FBXL17: variants seen among roughly 807,000 people sequenced by gnomAD.
FBXL17 encodes F-box and leucine rich repeat protein 17.
FBXL17 carries 22 observed loss-of-function variants against 66.2 expected under a neutral mutation model. The ratio of observed to expected loss-of-function variants is 0.33; its 90% confidence interval spans 0.24 to 0.47. The LOEUF (loss-of-function observed/expected upper bound fraction) is 0.47, where lower values mean the gene tolerates loss of function less well. FBXL17 is among the 20% of genes least tolerant of loss of function. The pLI, the probability that FBXL17 is intolerant of heterozygous loss-of-function variation, is 1.00. For missense variants in FBXL17, 878 were observed against 948.2 expected, an observed-to-expected ratio of 0.93 and a Z score of 0.97; for synonymous variants, 474 against 400.5, an observed-to-expected ratio of 1.18 and a Z score of -2.19.
At chr5:107,873,870 C>T (rs1748531781) in intron 8 of FBXL17, among the ~76,000 whole-genome samples, 2 of 152,288 alleles carry the variant, frequency 1.3e-5, no homozygotes, top group African/African-American at 4.8e-5. Context: ...ATTCACCCTA[C>T]AGTATTTGGG....
At chr5:108,067,336 C>A (rs916853621) in intron 6 of FBXL17, among the ~76,000 whole-genome samples, 4 of 151,926 alleles carry the variant, frequency 2.6e-5, no homozygotes, top group Non-Finnish European at 5.9e-5. Context: ...TCATTTTGTT[C>A]CGATTAGTAA....
At chr5:108,068,735 G>A (rs957411515) in intron 6 of FBXL17, among the ~76,000 whole-genome samples, 4 of 152,130 alleles carry the variant, frequency 2.6e-5, no homozygotes, top group African/African-American at 9.7e-5. Flanking sequence ...GGGATTACAG[G>A]CGTGAGCCAC....
intron 3 of FBXL17, among the ~76,000 whole-genome samples, chr5:108,354,326 A>C (rs1747827538): frequency 2.0e-5 from 3 of 152,196 alleles, no homozygotes; most frequent in African/African-American, 4.8e-5. Flanking sequence ...TAATGGGAAA[A>C]GTAGGCAACA....
chr5:108,140,531 T>C lies in FBXL17; in HGVS notation c.1745+45586A>G, dbSNP rs539068178. On this transcript the variant is annotated intron_variant, in intron 6 of 8. Transcript: ENST00000542267. ...TGCCTATTTTTCAAATGATTCATCC[T>C]CTTCATTTTCTCTAGGGTTTCTGCT... Among the ~76,000 whole-genome samples the C allele has an allele frequency of 2.0e-4, 30 of 152,184 alleles. 1 individual carries two copies. The highest frequency in any genetic ancestry group is 2.9e-5 in the Non-Finnish European group (2 of 68,038).
intron 7 of FBXL17, among the ~76,000 whole-genome samples, chr5:107,942,778 A>T (rs200845245): frequency 1.0e-3 from 3 of 2,892 alleles, no homozygotes; most frequent in South Asian, 5.8e-3. Flanking sequence ...TCTTGAAAAG[A>T]AAAAAAAAAA....
chr5:108,319,228 A>T (rs1460829530), intron 4 of FBXL17, among the ~76,000 whole-genome samples: 2 of 151,946 alleles, frequency 1.3e-5, no homozygotes, highest in East Asian at 1.9e-4. Flanking sequence ...TGGGAAAATT[A>T]ACATGAGAGA....
intron 7 of FBXL17, among the ~76,000 whole-genome samples, chr5:107,955,704 T>C (rs1393331899): frequency 6.6e-6 from 1 of 152,196 alleles, no homozygotes; most frequent in Non-Finnish European, 1.5e-5. Flanking sequence ...AAAAAAGTGT[T>C]GCTACACCTA....
At chr5:107,989,617 C>T (rs76181777) in intron 7 of FBXL17, among the ~76,000 whole-genome samples, 2,720 of 152,170 alleles carry the variant, frequency 0.018, 80 homozygotes, top group African/African-American at 0.062. Flanking sequence ...GCTATCTCTT[C>T]GATAAACACT....
intron 5 of FBXL17, among the ~76,000 whole-genome samples, chr5:108,205,366 C>T (rs958874482): frequency 6.6e-6 from 1 of 152,108 alleles, no homozygotes; most frequent in Non-Finnish European, 1.5e-5. Flanking sequence ...AAAAATTTAA[C>T]AAGCATACCA....
intron 4 of FBXL17, among the ~76,000 whole-genome samples, chr5:108,347,878 TTAAA>T (rs1490011443): frequency 2.0e-5 from 3 of 152,200 alleles, no homozygotes; most frequent in Admixed American, 6.5e-5. Flanking sequence ...GCACAATATA[TTAAA>T]TGTGTCTGCA....
At chr5:107,962,083 C>G (rs577016352) in intron 7 of FBXL17, among the ~76,000 whole-genome samples, 10 of 151,984 alleles carry the variant, frequency 6.6e-5, no homozygotes, top group African/African-American at 1.7e-4. Flanking sequence ...AAGGAAGAAC[C>G]ATTTTAAGAT....
At chr5:107,903,290 A>G (rs1276972184) in intron 7 of FBXL17, among the ~76,000 whole-genome samples, 1 of 152,174 alleles carries the variant, frequency 6.6e-6, no homozygotes, top group Non-Finnish European at 1.5e-5. Context: ...AAAAGAATTA[A>G]TGAGGTATAT....
chr5:108,348,557 G>C, intron 3 of FBXL17, 27 bp from the exon 4 acceptor site: 1 of 1,586,526 alleles, frequency 6.3e-7, no homozygotes, highest in Non-Finnish European at 8.6e-7. Context: ...TTAGCTGAAT[G>C]CTCAAAAAAT....
chr5:107,950,364 A>G (rs1751456828), intron 7 of FBXL17, among the ~76,000 whole-genome samples: 1 of 152,246 alleles, frequency 6.6e-6, no homozygotes, highest in Non-Finnish European at 1.5e-5. Flanking sequence ...TCTTGCCATT[A>G]GACTAAAAAA....
At chr5:108,083,402 C>T (rs1748850059) in intron 6 of FBXL17, among the ~76,000 whole-genome samples, 1 of 152,054 alleles carries the variant, frequency 6.6e-6, no homozygotes, top group African/African-American at 2.4e-5. Flanking sequence ...GCATCCATCC[C>T]AGAGTTTGTT....
chr5:108,301,254 G>A (rs963124890), intron 4 of FBXL17, among the ~76,000 whole-genome samples: 8 of 151,676 alleles, frequency 5.3e-5, no homozygotes, highest in Non-Finnish European at 7.4e-5. Context: ...TATGTATATA[G>A]ATGAATTAAG....
intron 4 of FBXL17, among the ~76,000 whole-genome samples, chr5:108,236,180 A>AG (rs1561480858): frequency 6.6e-6 from 1 of 152,110 alleles, no homozygotes. Flanking sequence ...GCTGCACTCC[A>AG]GCCTGGGTGA....
intron 3 of FBXL17, among the ~76,000 whole-genome samples, chr5:108,353,590 C>A (rs1160862283): frequency 1.3e-5 from 2 of 152,142 alleles, no homozygotes; most frequent in African/African-American, 2.4e-5. Flanking sequence ...CAAGGCCTGT[C>A]CTCAGGAGGA....
intron 6 of FBXL17, among the ~76,000 whole-genome samples, chr5:108,173,712 G>C (rs1752691676): frequency 6.6e-6 from 1 of 152,158 alleles, no homozygotes; most frequent in African/African-American, 2.4e-5. Flanking sequence ...AGAGCTACTT[G>C]CTTGTTTGAC....
Sources: allele counts gnomAD v4.1 joint callset (sites outside exome capture counted in the v4.1 genomes callset), GRCh38; gene constraint gnomAD v4.1.1; transcripts MANE v1.5; gene names NCBI Gene and HGNC (gene_info 2026-07-23, HGNC 2026-07-21).